Variants in ZSCAN25 observed in about 807,000 individuals in gnomAD.
ZSCAN25 encodes zinc finger and SCAN domain-containing protein 25.
In ZSCAN25, 27 loss-of-function variants were observed where a neutral mutation model predicts 38.7. That is an observed-to-expected ratio of 0.70 (90% CI 0.51 to 0.96). The LOEUF (loss-of-function observed/expected upper bound fraction) is 0.96. Ranked by LOEUF, ZSCAN25 falls within the 40% of genes least tolerant of loss-of-function variation. ZSCAN25 has a pLI of 0.00. For synonymous variants in ZSCAN25, 273 were observed against 277.7 expected (o/e 0.98, Z 0.17); for missense variants, 637 against 705.9 (o/e 0.90, Z 1.11).
At chr7:99,735,252 C>T in the ZSCAN25 span, 100 of 1,017,056 alleles carry the variant, frequency 9.8e-5, 1 homozygote, top group Non-Finnish European at 1.3e-4. Flanking sequence ...AGGGCTGGAG[C>T]TGCAGCCAGT....
At chr7:99,671,938 C>T in the ZSCAN25 span, 8 of 684,068 alleles carry the variant, frequency 1.2e-5, no homozygotes, top group Non-Finnish European at 2.1e-5. Flanking sequence ...CAAACAAGGG[C>T]ATGTAAAACT....
chr7:99,730,851 G>T, the ZSCAN25 span: 1 of 572,134 alleles, frequency 1.7e-6, no homozygotes, highest in South Asian at 2.1e-5. Flanking sequence ...TGACATTTGG[G>T]CTGTCCAACT....
At chr7:99,691,590 CAT>C in the ZSCAN25 span, among the ~76,000 whole-genome samples, 1 of 152,152 alleles carries the variant, frequency 6.6e-6, no homozygotes, top group Non-Finnish European at 1.5e-5. Context: ...GTATTGGGTG[CAT>C]ATATATTTAG....
chr7:99,620,104 C>T, intron 4 of ZSCAN25, 111 bp downstream of exon 4: 1 of 1,409,638 alleles, frequency 7.1e-7, no homozygotes, highest in East Asian at 2.5e-5. Flanking sequence ...AGCCGCCCTC[C>T]TCTGCCCTCA....
At chr7:99,711,962 A>G in the ZSCAN25 span, among the ~76,000 whole-genome samples, 3 of 152,168 alleles carry the variant, frequency 2.0e-5, no homozygotes, top group Admixed American at 1.3e-4. Flanking sequence ...CTCAGAATTG[A>G]CTATCTCAGG....
the ZSCAN25 span, chr7:99,671,269 T>C: frequency 2.0e-5 from 3 of 152,910 alleles, no homozygotes; most frequent in South Asian, 4.1e-4. Context: ...GCAGGTTTGT[T>C]TGTAGACACT....
the ZSCAN25 span, among the ~76,000 whole-genome samples, chr7:99,690,722 G>A: frequency 6.6e-5 from 10 of 152,058 alleles, no homozygotes; most frequent in African/African-American, 2.4e-4. Flanking sequence ...TCAGAGAAAT[G>A]CAAATCAAAA....
chr7:99,722,155 C>T, the ZSCAN25 span: 9 of 1,041,266 alleles, frequency 8.6e-6, no homozygotes, highest in Admixed American at 2.1e-4. Context: ...ATATCTTCTT[C>T]TTTCAGAAAA....
the ZSCAN25 span, among the ~76,000 whole-genome samples, chr7:99,737,020 G>A: frequency 1.2e-4 from 19 of 152,266 alleles, no homozygotes; most frequent in East Asian, 3.9e-4. Flanking sequence ...AAGTGACAGC[G>A]TCAAAGCAAC....
At chr7:99,709,961 T>A in the ZSCAN25 span, among the ~76,000 whole-genome samples, 1 of 152,182 alleles carries the variant, frequency 6.6e-6, no homozygotes, top group Non-Finnish European at 1.5e-5. Context: ...TCAGAGCATG[T>A]GATTTCAGTG....
the ZSCAN25 span, chr7:99,676,106 G>A: frequency 6.2e-7 from 1 of 1,612,278 alleles, no homozygotes; most frequent in Non-Finnish European, 8.5e-7. Context: ...GGAAGCTCAA[G>A]CAACTCACCT....
the ZSCAN25 span, among the ~76,000 whole-genome samples, chr7:99,648,621 A>G: frequency 6.6e-6 from 1 of 151,784 alleles, no homozygotes; most frequent in Non-Finnish European, 1.5e-5. Flanking sequence ...TTTATGGAGC[A>G]CTGACTCTGT....
chr7:99,630,308 T>C lies in ZSCAN25; in HGVS notation c.*288T>C. The C allele has an allele frequency of 1.7e-6, 2 of 1,203,160 alleles. No homozygotes were observed. The highest frequency in any genetic ancestry group is 2.1e-6 in the Non-Finnish European group (2 of 966,458). The allele number at this position is 1,203,160 out of a possible 1,614,324, so 74.5% of individuals were successfully genotyped here. On this transcript the variant is annotated 3_prime_UTR_variant, in exon 8 of 8. Coordinates refer to ENST00000394152, the MANE Select transcript of ZSCAN25 (RefSeq NM_145115.3). ...CTTCAGTGGACTGTCTGTGTCCCCC[T>C]GCCGAACAAAGCTGGGAGTAAAGGC...
At chr7:99,646,839 T>C in the ZSCAN25 span, among the ~76,000 whole-genome samples, 4,842 of 134,432 alleles carry the variant, frequency 0.036, 227 homozygotes, top group African/African-American at 0.13. Flanking sequence ...CACACACACA[T>C]GCATGCTCAC....
At chr7:99,703,700 T>A in the ZSCAN25 span, among the ~76,000 whole-genome samples, 1 of 152,170 alleles carries the variant, frequency 6.6e-6, no homozygotes, top group East Asian at 1.9e-4. Context: ...ATCCTTAATA[T>A]ATTTACTTCT....
the ZSCAN25 span, among the ~76,000 whole-genome samples, chr7:99,709,939 T>C: frequency 6.6e-6 from 1 of 152,210 alleles, no homozygotes; most frequent in African/African-American, 2.4e-5. Context: ...AAGAAAGTTC[T>C]GGTGGATGTT....
chr7:99,666,518 C>A, the ZSCAN25 span: 4 of 1,426,776 alleles, frequency 2.8e-6, no homozygotes, highest in South Asian at 4.6e-5. Context: ...TGGAGTAACC[C>A]AACAGTGCGA....
At chr7:99,657,456 T>C in the ZSCAN25 span, among the ~76,000 whole-genome samples, 3 of 152,250 alleles carry the variant, frequency 2.0e-5, no homozygotes. Context: ...GACAGTTTGT[T>C]ATAATGTCTG....
At chr7:99,716,942 T>A in the ZSCAN25 span, among the ~76,000 whole-genome samples, 1 of 152,176 alleles carries the variant, frequency 6.6e-6, no homozygotes, top group South Asian at 2.1e-4. Context: ...AGGTGACAAT[T>A]TAACAGATAT....
Sources: gnomAD v4.1 joint callset for allele counts (sites outside exome capture counted in the v4.1 genomes callset) on GRCh38, gnomAD v4.1.1 for gene constraint, MANE v1.5 for transcripts, NCBI Gene and HGNC (gene_info 2026-07-23, HGNC 2026-07-21) for gene names.